TNFSF4: variants seen among roughly 807,000 people sequenced by gnomAD.
The protein encoded by TNFSF4 is TNF superfamily member 4, also known as tumor necrosis factor ligand superfamily member 4.
Under a neutral mutation model 7.3 loss-of-function variants are expected in TNFSF4, and 4 were observed. The ratio of observed to expected loss-of-function variants is 0.55; its 90% confidence interval spans 0.27 to 1.25. The LOEUF is 1.25. TNFSF4 is among the 50% of genes most tolerant of loss of function. The pLI is 0.12. For synonymous variants in TNFSF4, 76 were observed against 83.7 expected (o/e 0.91, Z 0.50); for missense variants, 181 against 208.8 (o/e 0.87, Z 0.82).
the TNFSF4 span, among the ~76,000 whole-genome samples, chr1:173,320,240 A>G: frequency 6.6e-6 from 1 of 152,170 alleles, no homozygotes; most frequent in South Asian, 2.1e-4. Context: ...ACCACATGAG[A>G]ATCTCAATAG....
chr1:173,302,013 A>G, the TNFSF4 span, among the ~76,000 whole-genome samples: 1 of 151,896 alleles, frequency 6.6e-6, no homozygotes, highest in East Asian at 1.9e-4. Flanking sequence ...AAAAGCTAAA[A>G]GAATTGAGGT....
At chr1:173,294,674 A>T in the TNFSF4 span, among the ~76,000 whole-genome samples, 2 of 152,206 alleles carry the variant, frequency 1.3e-5, no homozygotes, top group African/African-American at 4.8e-5. Context: ...AATAAAGGGC[A>T]AAATAATAAA....
chr1:173,201,750 T>C (rs1649951200), intron 1 of TNFSF4, among the ~76,000 whole-genome samples: 1 of 152,176 alleles, frequency 6.6e-6, no homozygotes, highest in South Asian at 2.1e-4. Flanking sequence ...TTAATTCCTT[T>C]GTTTGAAAAG....
chr1:173,364,379 G>GTATATATATATATA, the TNFSF4 span, among the ~76,000 whole-genome samples: 46 of 109,102 alleles, frequency 4.2e-4, no homozygotes, highest in East Asian at 3.8e-3. Context: ...TGGGGTGTAT[G>GTATATATATATATA]TGTATATATA....
the TNFSF4 span, among the ~76,000 whole-genome samples, chr1:173,433,440 A>G: frequency 1.3e-5 from 2 of 152,160 alleles, no homozygotes; most frequent in African/African-American, 4.8e-5. Flanking sequence ...CACACCTGTA[A>G]TCCCAGCACT....
the TNFSF4 span, among the ~76,000 whole-genome samples, chr1:173,328,431 C>G: frequency 6.6e-6 from 1 of 151,722 alleles, no homozygotes; most frequent in South Asian, 2.1e-4. Flanking sequence ...GTGCAGCACA[C>G]TAACATGGCA....
At chr1:173,272,184 C>G in the TNFSF4 span, among the ~76,000 whole-genome samples, 1 of 152,062 alleles carries the variant, frequency 6.6e-6, no homozygotes, top group African/African-American at 2.4e-5. Flanking sequence ...ACATCACACA[C>G]TGGGGCCTGT....
At chr1:173,237,182 T>C in the TNFSF4 span, among the ~76,000 whole-genome samples, 1 of 152,208 alleles carries the variant, frequency 6.6e-6, no homozygotes, top group African/African-American at 2.4e-5. Context: ...CATGTGGAAT[T>C]GTGCGTCCAT....
chr1:173,183,747 C>T lies in TNFSF4; in HGVS notation c.*2769G>A, dbSNP rs1172654704. The T allele has an allele frequency of 6.6e-6, 1 of 152,056 alleles. No individual in the cohort carries two copies. The highest frequency in any genetic ancestry group is 1.5e-5 in the Non-Finnish European group (1 of 68,016). The allele number at this position is 152,056 out of a possible 1,614,324, so 9.4% of individuals were successfully genotyped here. The stretch of plus-strand genomic sequence containing the variant: ...TCTCACCAGTAGTGAATTCTGAGAT[C>T]TTTTATTTGTTTCCATGTAAATAGC... On this transcript the variant is annotated 3_prime_UTR_variant, in exon 3 of 3. Coordinates refer to ENST00000281834, the MANE Select transcript of TNFSF4 (RefSeq NM_003326.5).
At chr1:173,199,202 T>A (rs1649839266) in intron 1 of TNFSF4, among the ~76,000 whole-genome samples, 3 of 152,230 alleles carry the variant, frequency 2.0e-5, no homozygotes, top group Admixed American at 2.0e-4. Flanking sequence ...CACTCACCTT[T>A]GTGTCCTCAG....
At chr1:173,313,460 A>C in the TNFSF4 span, among the ~76,000 whole-genome samples, 6 of 152,100 alleles carry the variant, frequency 3.9e-5, no homozygotes, top group Admixed American at 3.3e-4. Flanking sequence ...AAATACCTTT[A>C]ATTTTGCCAC....
At chr1:173,302,098 G>A in the TNFSF4 span, among the ~76,000 whole-genome samples, 3 of 151,854 alleles carry the variant, frequency 2.0e-5, no homozygotes, top group Non-Finnish European at 4.4e-5. Flanking sequence ...CTAGTACTGT[G>A]AGACCCTGTG....
the TNFSF4 span, among the ~76,000 whole-genome samples, chr1:173,269,103 A>G: frequency 6.6e-6 from 1 of 152,156 alleles, no homozygotes; most frequent in African/African-American, 2.4e-5. Flanking sequence ...GGTGGAATGA[A>G]TTAATATTTA....
the TNFSF4 span, among the ~76,000 whole-genome samples, chr1:173,329,509 CAG>C: frequency 6.6e-6 from 1 of 151,964 alleles, no homozygotes; most frequent in Non-Finnish European, 1.5e-5. Flanking sequence ...AGAGTGAAAA[CAG>C]AGAATGTACT....
At position 173,184,336 on chromosome 1, in the gene TNFSF4, T is replaced by C. The variant is rs1649133873; in HGVS notation, c.*2180A>G. On this transcript the variant is annotated 3_prime_UTR_variant, in exon 3 of 3. Coordinates refer to ENST00000281834, the MANE Select transcript of TNFSF4 (RefSeq NM_003326.5). ...TAATTCTCCCTGTGAAGGACATGAC[T>C]TACAGGGACTGAGACACACACACAT... 1 of 152,208 alleles carries C rather than the reference T, an allele frequency of 6.6e-6. No homozygotes were observed. Among genetic ancestry groups the C allele is most frequent in the Non-Finnish European group, 1.5e-5 (1 of 68,052 alleles). 9.4% of individuals were successfully genotyped at this position (152,208 alleles called of 1,614,324 possible).
chr1:173,437,880 T>C, the TNFSF4 span, among the ~76,000 whole-genome samples: 1 of 149,208 alleles, frequency 6.7e-6, no homozygotes, highest in African/African-American at 2.4e-5. Flanking sequence ...CATCATAAAA[T>C]TTTCTGCACC....
At chr1:173,282,015 T>C in the TNFSF4 span, among the ~76,000 whole-genome samples, 2 of 151,940 alleles carry the variant, frequency 1.3e-5, no homozygotes, top group African/African-American at 2.4e-5. Context: ...CTCATGGAGG[T>C]AGAGTAGAAT....
chr1:173,212,007 A>G (rs78024548), upstream of TNFSF4, among the ~76,000 whole-genome samples: 4,324 of 152,262 alleles, frequency 0.028, 66 homozygotes, highest in Admixed American at 0.056. Flanking sequence ...TTCAAGGTTG[A>G]ACATTTGCAT....
At chr1:173,388,691 C>A in the TNFSF4 span, among the ~76,000 whole-genome samples, 14 of 152,170 alleles carry the variant, frequency 9.2e-5, no homozygotes, top group African/African-American at 2.9e-4. Flanking sequence ...ACTCTTTTCA[C>A]TAGTATTTGT....
Sources: allele counts gnomAD v4.1 joint callset (sites outside exome capture counted in the v4.1 genomes callset), GRCh38; gene constraint gnomAD v4.1.1; transcripts MANE v1.5; gene names NCBI Gene and HGNC (gene_info 2026-07-23, HGNC 2026-07-21).